The following SPOCK1 variants were observed in gnomAD, a reference collection of about 807,000 sequenced individuals.
The protein encoded by SPOCK1 is SPARC (osteonectin), cwcv and kazal like domains proteoglycan 1.
SPOCK1 carries 23 observed loss-of-function variants against 55.3 expected under a neutral mutation model. The ratio of observed to expected loss-of-function variants is 0.42; its 90% CI spans 0.30 to 0.59. The LOEUF (loss-of-function observed/expected upper bound fraction) is 0.59. SPOCK1 is among the 20% of genes least tolerant of loss of function. The probability of loss-of-function intolerance (pLI) is 0.22; values close to 1 mark genes in which losing one functional copy is unlikely to be tolerated. For missense variants in SPOCK1, 499 were observed against 552.5 expected, an observed-to-expected ratio of 0.90 and a Z score of 0.97; for synonymous variants, 226 against 221.0, an observed-to-expected ratio of 1.02 and a Z score of -0.20.
rs116453353 is a variant in SPOCK1, at chr5:137,044,562, G to C, written c.589+23153C>G. On this transcript the variant is annotated intron_variant, in intron 6 of 10. Transcript: ENST00000394945. The stretch of plus-strand genomic sequence containing the variant: ...GAGATCATAGTCCCTCCCAACACTG[G>C]GCTTTCAGGACTATTACATGGAAAC... Among the ~76,000 whole-genome samples the C allele has an allele frequency of 5.3e-3, 805 of 152,178 alleles. 4 individuals carry two copies. Among genetic ancestry groups the C allele is most frequent in the Middle Eastern group, 0.024 (7 of 294 alleles).
intron 2 of SPOCK1, among the ~76,000 whole-genome samples, chr5:137,418,897 T>C (rs1017824169): frequency 6.6e-6 from 1 of 152,194 alleles, no homozygotes; most frequent in African/African-American, 2.4e-5. Context: ...CTGAATGGTA[T>C]TGCCAAGGTT....
At chr5:137,087,528 G>C (rs945828153) in intron 5 of SPOCK1, among the ~76,000 whole-genome samples, 2 of 152,200 alleles carry the variant, frequency 1.3e-5, no homozygotes, top group Non-Finnish European at 2.9e-5. Context: ...TTCACTAAAA[G>C]AGCTACCTCC....
chr5:137,412,558 A>AT (rs2149822679), intron 2 of SPOCK1, among the ~76,000 whole-genome samples: 1 of 152,334 alleles, frequency 6.6e-6, no homozygotes, highest in South Asian at 2.1e-4. Context: ...GGGAAACATC[A>AT]TTCCTAGGCC....
intron 4 of SPOCK1, among the ~76,000 whole-genome samples, chr5:137,133,970 C>T (rs1350795465): frequency 1.8e-4 from 8 of 44,912 alleles, no homozygotes; most frequent in Admixed American, 5.6e-4. Context: ...GGGGGGGTAG[C>T]GGGGGGTGGC....
intron 6 of SPOCK1, among the ~76,000 whole-genome samples, chr5:137,017,079 C>T (rs548606053): frequency 7.9e-5 from 12 of 152,234 alleles, no homozygotes; most frequent in South Asian, 4.1e-4. Context: ...TGGCCTCACA[C>T]GACCTGCTGA....
At chr5:137,231,266 A>C (rs1430521439) in intron 3 of SPOCK1, among the ~76,000 whole-genome samples, 1 of 152,126 alleles carries the variant, frequency 6.6e-6, no homozygotes. Flanking sequence ...GCTGGTCTCG[A>C]ACTCCTGTCC....
intron 6 of SPOCK1, among the ~76,000 whole-genome samples, chr5:137,037,492 C>G (rs1751906573): frequency 6.6e-6 from 1 of 151,982 alleles, no homozygotes; most frequent in Admixed American, 6.6e-5. Context: ...TCAACAAACA[C>G]TGTTTGAATT....
At chr5:137,307,368 G>A (rs1177759495) in intron 2 of SPOCK1, among the ~76,000 whole-genome samples, 1 of 152,140 alleles carries the variant, frequency 6.6e-6, no homozygotes, top group African/African-American at 2.4e-5. Context: ...TCCAAGAACT[G>A]TTTATGCTCT....
At chr5:137,103,230 C>T (rs1282254969) in intron 5 of SPOCK1, among the ~76,000 whole-genome samples, 1 of 152,212 alleles carries the variant, frequency 6.6e-6, no homozygotes, top group African/African-American at 2.4e-5. Context: ...AGGTTATCCA[C>T]CCACCTTGGC....
At chr5:136,985,613 C>T (rs1414203366) in intron 8 of SPOCK1, among the ~76,000 whole-genome samples, 1 of 152,066 alleles carries the variant, frequency 6.6e-6, no homozygotes, top group Admixed American at 6.5e-5. Flanking sequence ...CCTAGGTTTT[C>T]CTGTAGGAAA....
At chr5:137,447,871 A>G (rs1248575877) in intron 2 of SPOCK1, among the ~76,000 whole-genome samples, 2 of 152,224 alleles carry the variant, frequency 1.3e-5, no homozygotes, top group Non-Finnish European at 2.9e-5. Context: ...GCTATATTCA[A>G]AAGCCCAGGG....
intron 3 of SPOCK1, among the ~76,000 whole-genome samples, chr5:137,231,308 A>C (rs1756058345): frequency 1.3e-5 from 2 of 152,106 alleles, no homozygotes; most frequent in Non-Finnish European, 2.9e-5. Flanking sequence ...CAGCCTCCCA[A>C]AGTGCTGGGA....
chr5:137,097,616 A>C (rs1161768819), intron 5 of SPOCK1, among the ~76,000 whole-genome samples: 1 of 152,198 alleles, frequency 6.6e-6, no homozygotes, highest in Non-Finnish European at 1.5e-5. Flanking sequence ...GTGCAAAAAC[A>C]TTCCCCCTTG....
chr5:137,498,285 C>CACAA, intron 2 of SPOCK1, 88 bp downstream of exon 2: 1 of 1,298,796 alleles, frequency 7.7e-7, no homozygotes, highest in South Asian at 1.7e-5. Context: ...CACACACACA[C>CACAA]ACACACACAC....
intron 6 of SPOCK1, among the ~76,000 whole-genome samples, chr5:137,009,216 C>T (rs1238944937): frequency 6.6e-6 from 1 of 152,160 alleles, no homozygotes; most frequent in Non-Finnish European, 1.5e-5. Context: ...CCCAAAATTT[C>T]ACTTTGGGAC....
chr5:137,018,703 G>A (rs543440252), intron 6 of SPOCK1, among the ~76,000 whole-genome samples: 211 of 151,906 alleles, frequency 1.4e-3, no homozygotes, highest in Non-Finnish European at 2.5e-3. Flanking sequence ...TGCATATTAG[G>A]ATTTTTTTTG....
chr5:137,202,843 G>A (rs1259369554), intron 3 of SPOCK1, among the ~76,000 whole-genome samples: 1 of 152,218 alleles, frequency 6.6e-6, no homozygotes, highest in Non-Finnish European at 1.5e-5. Flanking sequence ...CATATTCATT[G>A]TAAGCCTTTT....
chr5:137,333,286 G>A (rs1489803832), intron 2 of SPOCK1, among the ~76,000 whole-genome samples: 2 of 152,184 alleles, frequency 1.3e-5, no homozygotes, highest in East Asian at 3.8e-4. Context: ...ATAGGTAAAG[G>A]GAAGACACTG....
At chr5:137,112,636 T>A (rs1478297904) in intron 4 of SPOCK1, 75 bp from the exon 5 acceptor site, 3 of 1,541,788 alleles carry the variant, frequency 1.9e-6, no homozygotes, top group African/African-American at 2.8e-5. Context: ...GTTCCCAGAA[T>A]AAAAGGCCAA....
Sources: allele counts gnomAD v4.1 joint callset (sites outside exome capture counted in the v4.1 genomes callset), GRCh38; gene constraint gnomAD v4.1.1; transcripts MANE v1.5; gene names NCBI Gene and HGNC (gene_info 2026-07-23, HGNC 2026-07-21).